The following CSMD1 variants were observed in gnomAD, a reference collection of about 807,000 sequenced individuals.
CSMD1 encodes the protein CUB and Sushi multiple domains 1, also known as CUB and sushi domain-containing protein 1.
A neutral mutation model predicts 417.5 loss-of-function variants in CSMD1; 213 were observed. The ratio of observed to expected loss-of-function variants is 0.51; its 90% CI spans 0.46 to 0.57. The LOEUF (loss-of-function observed/expected upper bound fraction) is 0.57, where lower values mean the gene tolerates loss of function less well. CSMD1 is among the 20% of genes least tolerant of loss of function. The pLI is 0.00. For missense variants in CSMD1, 6,923 were observed against 4,529.7 expected (o/e 1.53, Z -15.17); for synonymous variants, 2,862 against 1,736.8 (o/e 1.65, Z -16.11).
intron 3 of CSMD1, among the ~76,000 whole-genome samples, chr8:4,152,375 T>C (rs992895647): frequency 2.0e-5 from 3 of 152,276 alleles, no homozygotes; most frequent in African/African-American, 7.2e-5. Flanking sequence ...TATGTACTAA[T>C]GTTTTTAAAA....
At position 3,223,862 on chromosome 8, in the gene CSMD1, A is replaced by C; in HGVS notation, c.4351T>G (p.Cys1451Gly). ...QPDPPTCIAA[C>G]GGNLTGPAGV... Reference sequence around the variant, plus strand: ...GCTGGGCCCGTCAGATTCCCTCCACAAGCAGCTGTCACAGAACAAAAGTTA... The same window carrying C: ...GCTGGGCCCGTCAGATTCCCTCCACCAGCAGCTGTCACAGAACAAAAGTTA... The change falls in exon 28 of 70, where the codon TGT becomes GGT. Residue 1451 changes from cysteine to glycine, a missense_variant. By Grantham distance (159) the Cys-to-Gly change is radical. Transcript: ENST00000635120. The C allele has an allele frequency of 6.2e-7, 1 of 1,613,784 alleles. No individual in the cohort carries two copies.
At chr8:4,576,718 A>T (rs1428809843) in intron 2 of CSMD1, among the ~76,000 whole-genome samples, 1 of 152,194 alleles carries the variant, frequency 6.6e-6, no homozygotes, top group East Asian at 1.9e-4. Flanking sequence ...ATCTCTTTCT[A>T]AAACTTAACT....
intron 3 of CSMD1, among the ~76,000 whole-genome samples, chr8:4,178,289 T>G (rs1260560625): frequency 3.3e-5 from 5 of 151,810 alleles, no homozygotes; most frequent in Admixed American, 6.6e-5. Context: ...CGCAAATCAA[T>G]AAATGTAATC....
intron 3 of CSMD1, among the ~76,000 whole-genome samples, chr8:4,401,097 G>T (rs993357889): frequency 2.6e-5 from 4 of 152,116 alleles, no homozygotes; most frequent in Non-Finnish European, 5.9e-5. Flanking sequence ...AAAGAAAATT[G>T]AAGATAACCT....
intron 4 of CSMD1, among the ~76,000 whole-genome samples, chr8:4,016,104 G>T (rs538978850): frequency 1.3e-5 from 2 of 152,172 alleles, no homozygotes; most frequent in East Asian, 3.9e-4. Context: ...AGGAAATTTT[G>T]GGATGGGATC....
At chr8:4,164,043 T>C (rs1461893197) in intron 3 of CSMD1, among the ~76,000 whole-genome samples, 1 of 152,176 alleles carries the variant, frequency 6.6e-6, no homozygotes, top group African/African-American at 2.4e-5. Flanking sequence ...ACATGTGTCA[T>C]TCCCTTCTCT....
intron 3 of CSMD1, among the ~76,000 whole-genome samples, chr8:4,389,334 G>T (rs527766477): frequency 7.2e-5 from 11 of 152,182 alleles, no homozygotes; most frequent in African/African-American, 2.6e-4. Context: ...CCTTCTCTTG[G>T]TGAGTGTAAA....
At chr8:4,832,236 G>A (rs1301862863) in intron 1 of CSMD1, among the ~76,000 whole-genome samples, 2 of 152,154 alleles carry the variant, frequency 1.3e-5, no homozygotes, top group Non-Finnish European at 1.5e-5. Context: ...GGATTTGGAT[G>A]AGGACATTAG....
chr8:3,424,737 A>C (rs73657897), intron 12 of CSMD1, among the ~76,000 whole-genome samples: 3,422 of 152,344 alleles, frequency 0.022, 127 homozygotes, highest in African/African-American at 0.076. Context: ...TATCAGGTCA[A>C]CTGTCAAGGA....
chr8:4,005,032 G>A (rs1415446945), intron 4 of CSMD1, among the ~76,000 whole-genome samples: 1 of 152,182 alleles, frequency 6.6e-6, no homozygotes, highest in Non-Finnish European at 1.5e-5. Flanking sequence ...GTGAAGTACT[G>A]AGGAATGGAA....
At chr8:3,287,911 C>T (rs1329676291) in intron 25 of CSMD1, among the ~76,000 whole-genome samples, 3 of 116,054 alleles carry the variant, frequency 2.6e-5, no homozygotes, top group Non-Finnish European at 6.0e-5. Flanking sequence ...CCAGTTTTTG[C>T]CTATTCAGTA....
At chr8:3,878,640 C>A (rs1473139842) in intron 5 of CSMD1, among the ~76,000 whole-genome samples, 1 of 152,168 alleles carries the variant, frequency 6.6e-6, no homozygotes, top group Non-Finnish European at 1.5e-5. Flanking sequence ...ACAGAAAAAT[C>A]TCCAAAAGAC....
At chr8:3,018,681 A>G (rs187468165) in intron 51 of CSMD1, 31 bp from the exon 52 acceptor site, 34 of 1,594,024 alleles carry the variant, frequency 2.1e-5, no homozygotes, top group Non-Finnish European at 2.7e-5. Flanking sequence ...ATGAACATCA[A>G]TTCAGTTATG....
intron 7 of CSMD1, among the ~76,000 whole-genome samples, chr8:3,657,593 G>A (rs1201120506): frequency 1.3e-5 from 2 of 152,042 alleles, no homozygotes; most frequent in East Asian, 3.9e-4. Context: ...ACTAACTCAA[G>A]AACAAAAAAC....
Position 4,257,646 on chromosome 8 carries a change from C to T in CSMD1, c.415+162307G>A, listed in dbSNP as rs116406520. On this transcript the variant is annotated intron_variant, in intron 3 of 69. Coordinates refer to ENST00000635120, the MANE Select transcript of CSMD1 (RefSeq NM_033225.6). ...TCCTACTGTTTCAGGAAATACATCA[C>T]ATTGGTTACAGCATAGGTCTCAGGG... Among the ~76,000 whole-genome samples, 770 of 152,310 alleles carry T rather than the reference C, an allele frequency of 5.1e-3. 7 individuals carry two copies. The highest frequency in any genetic ancestry group is 0.031 in the Middle Eastern group (9 of 294).
In CSMD1 at chr8:4,138,205, A is replaced by ATTT. The variant is rs562419797; in HGVS notation, c.416-106109_416-106107dup. ...GCTGGGATTACAGGCGCAGCCTTAC[A>ATTT]TTTTTTTTTTTTTTTTTTTTCAGGT... is the stretch of plus-strand genomic sequence containing the variant. On this transcript the variant is annotated intron_variant, in intron 3 of 69. Transcript: ENST00000635120. Among the ~76,000 whole-genome samples the ATTT allele has an allele frequency of 7.8e-4, 54 of 69,460 alleles. 7 individuals are homozygous for ATTT. The East Asian group carries it at 0.011, about 14-fold the overall frequency. 45.6% of individuals were successfully genotyped at this position (69,460 alleles called of 152,430 possible). A position where few individuals can be genotyped will look rare whatever the true frequency, so the allele number is the denominator to read the frequency against.
intron 5 of CSMD1, among the ~76,000 whole-genome samples, chr8:3,791,066 T>G (rs1045951287): frequency 4.6e-5 from 7 of 152,212 alleles, no homozygotes; most frequent in Non-Finnish European, 1.0e-4. Flanking sequence ...TTATGGCTAC[T>G]TGGTGAGAAA....
At chr8:4,209,245 C>T (rs140476038) in intron 3 of CSMD1, among the ~76,000 whole-genome samples, 2,395 of 152,236 alleles carry the variant, frequency 0.016, 39 homozygotes, top group South Asian at 0.041. Flanking sequence ...GATTTCTAAA[C>T]GAAAAAGAGG....
chr8:3,680,671 C>G (rs2117603634), intron 7 of CSMD1, among the ~76,000 whole-genome samples: 1 of 152,296 alleles, frequency 6.6e-6, no homozygotes, highest in East Asian at 1.9e-4. Flanking sequence ...AGAGGGACTC[C>G]TCCCTAACTC....
Sources: allele counts gnomAD v4.1 joint callset (sites outside exome capture counted in the v4.1 genomes callset), GRCh38; gene constraint gnomAD v4.1.1; transcripts MANE v1.5; gene names NCBI Gene and HGNC (gene_info 2026-07-23, HGNC 2026-07-21).